Variants in UBR3 observed in about 807,000 individuals in gnomAD.
The protein encoded by UBR3 is E3 ubiquitin-protein ligase UBR3.
Under a neutral mutation model 243.2 loss-of-function variants are expected in UBR3, and 85 were observed. The ratio of observed to expected loss-of-function variants is 0.35; its 90% CI spans 0.29 to 0.42. The LOEUF is 0.42. Among genes scored for constraint, UBR3 ranks in the 10% least tolerant of loss-of-function variants. UBR3 has a pLI of 1.00. For synonymous variants in UBR3, 748 were observed against 799.8 expected (o/e 0.94, Z 1.09); for missense variants, 1,686 against 2,300.8 (o/e 0.73, Z 5.47).
chr2:169,900,801 A>C (rs1250891029), intron 8 of UBR3, among the ~76,000 whole-genome samples: 1 of 150,654 alleles, frequency 6.6e-6, no homozygotes, highest in Non-Finnish European at 1.5e-5. Flanking sequence ...ATCCTTACCT[A>C]CCTCATTTTA....
At position 170,081,771 on chromosome 2, in the gene UBR3, T is replaced by C. The variant is rs778644792; in HGVS notation, c.5595T>C (p.Leu1865=). The C allele has an allele frequency of 6.2e-7, 1 of 1,609,590 alleles. No individual in the cohort carries two copies. Among genetic ancestry groups the C allele is most frequent in the East Asian group, 2.2e-5 (1 of 44,486 alleles). The change falls in exon 39 of 39, where the codon CTT becomes CTC. Residue 1865 remains leucine, a synonymous_variant. Transcript: ENST00000272793. ...TTTGTAAGGAAAGATACAAAGTTCT[T>C]GAGCAACAGTGGATTTCTCATACTT... ...LYICKERYKV[L]EQQWISHTFD...
chr2:169,840,387 G>C (rs1028521747), intron 1 of UBR3, among the ~76,000 whole-genome samples: 2 of 152,206 alleles, frequency 1.3e-5, no homozygotes, highest in South Asian at 2.1e-4. Flanking sequence ...GTATCTGACC[G>C]AGATGTCGGT....
At position 169,921,764 on chromosome 2, in the gene UBR3, G is replaced by A. The variant is rs1425622946; in HGVS notation, c.1867-2165G>A. On this transcript the variant is annotated intron_variant, in intron 11 of 38. Coordinates refer to ENST00000272793, the MANE Select transcript of UBR3 (RefSeq NM_172070.4). ...CCCAGCACTTTGGGAGGCCGAGGCA[G>A]GTGGATCACTTGAGGTCAGGTGTTT... Among the ~76,000 whole-genome samples the A allele has an allele frequency of 2.0e-5, 3 of 152,162 alleles. No homozygotes were observed. The East Asian group carries it at 5.8e-4, about 29-fold the overall frequency.
chr2:169,914,172 AT>A, intron 11 of UBR3, 26 bp downstream of exon 11: 8 of 1,334,108 alleles, frequency 6.0e-6, no homozygotes, highest in Non-Finnish European at 3.0e-6. Context: ...ATGTATGTAA[AT>A]TTTTTGATGT....
chr2:170,013,464 A>C (rs1024200335), intron 29 of UBR3, among the ~76,000 whole-genome samples: 1 of 152,096 alleles, frequency 6.6e-6, no homozygotes, highest in Non-Finnish European at 1.5e-5. Flanking sequence ...GAAATGTAAA[A>C]TCCTAGATAT....
At chr2:169,947,852 T>C in intron 22 of UBR3, 137 bp downstream of exon 22, 1 of 1,238,190 alleles carries the variant, frequency 8.1e-7, no homozygotes, top group South Asian at 3.5e-5. Flanking sequence ...TTATTTCCTC[T>C]GATATATCTA....
intron 36 of UBR3, chr2:170,077,784 C>A (rs2091840880): frequency 4.0e-6 from 1 of 250,578 alleles, no homozygotes; most frequent in African/African-American, 2.3e-5. Context: ...CAGGGTTTCA[C>A]CATGTTGCCC....
chr2:170,009,019 T>C, intron 29 of UBR3, 79 bp downstream of exon 29: 1 of 1,024,580 alleles, frequency 9.8e-7, no homozygotes, highest in Non-Finnish European at 1.3e-6. Context: ...ATTTGTTTTA[T>C]TTATTTAAAG....
intron 1 of UBR3, among the ~76,000 whole-genome samples, chr2:169,871,397 G>A (rs1369220429): frequency 2.7e-5 from 4 of 149,052 alleles, no homozygotes; most frequent in African/African-American, 7.4e-5. Context: ...GTGACAAAGC[G>A]AGACCCTGTC....
chr2:170,040,644 G>T (rs2090944066), intron 31 of UBR3, among the ~76,000 whole-genome samples: 1 of 151,948 alleles, frequency 6.6e-6, no homozygotes, highest in African/African-American at 2.4e-5. Context: ...TATCCTAATT[G>T]TTCACTTTGA....
In UBR3 at chr2:170,083,170, C is replaced by G. The variant is rs923574305; in HGVS notation, c.*1327C>G. 6 of 62,018 alleles carry G rather than the reference C, an allele frequency of 9.7e-5. No individual in the cohort carries two copies. The highest frequency in any genetic ancestry group is 2.3e-4 in the Non-Finnish European group (5 of 21,608). The allele number at this position is 62,018 out of a possible 1,614,324, so 3.8% of individuals were successfully genotyped here. A position where few individuals can be genotyped will look rare whatever the true frequency, so the allele number is the denominator to read the frequency against. On this transcript the variant is annotated 3_prime_UTR_variant, in exon 39 of 39. Coordinates refer to ENST00000272793, the MANE Select transcript of UBR3 (RefSeq NM_172070.4). ...ACATGTAAAAATAAACTAAACAAAT[C>G]TAATGATAAAATATGTCAGATCCAT...
chr2:170,009,776 C>T (rs1423164988), intron 29 of UBR3, among the ~76,000 whole-genome samples: 1 of 152,030 alleles, frequency 6.6e-6, no homozygotes, highest in Non-Finnish European at 1.5e-5. Flanking sequence ...AAGTCTGTGG[C>T]AGAGTAGGAT....
At chr2:169,929,074 A>G (rs2086017188) in intron 18 of UBR3, among the ~76,000 whole-genome samples, 2 of 152,202 alleles carry the variant, frequency 1.3e-5, no homozygotes, top group African/African-American at 4.8e-5. Context: ...TTACACTAAG[A>G]CTTCTTAGAT....
intron 35 of UBR3, among the ~76,000 whole-genome samples, chr2:170,072,741 T>C (rs528162711): frequency 6.6e-6 from 1 of 152,152 alleles, no homozygotes; most frequent in South Asian, 2.1e-4. Context: ...TAATAGGAAT[T>C]GATTCTGTGG....
intron 1 of UBR3, among the ~76,000 whole-genome samples, chr2:169,831,127 A>ATATATATATTTTTT (rs1450878762): frequency 1.8e-5 from 1 of 56,464 alleles, no homozygotes; most frequent in African/African-American, 9.0e-5. Context: ...ATATATATAT[A>ATATATATATTTTTT]TTTTTTTTTT....
intron 5 of UBR3, among the ~76,000 whole-genome samples, chr2:169,884,938 A>G (rs1446694131): frequency 1.3e-5 from 2 of 152,226 alleles, no homozygotes; most frequent in African/African-American, 4.8e-5. Context: ...ATAGATGGAA[A>G]GAGGTTGATA....
chr2:170,062,048 A>T lies in UBR3; in HGVS notation c.5019+605A>T, dbSNP rs149323642. Reference sequence around the variant, plus strand: ...TCTTATTGACATTTGTGTCCCTAACATCGTCTGCTTTTAATATTCTTTTAA... The same window carrying T: ...TCTTATTGACATTTGTGTCCCTAACTTCGTCTGCTTTTAATATTCTTTTAA... On this transcript the variant is annotated intron_variant, in intron 35 of 38. Transcript: ENST00000272793. Among the ~76,000 whole-genome samples the T allele has an allele frequency of 3.0e-3, 452 of 152,292 alleles. 3 individuals are homozygous for T. Among genetic ancestry groups the T allele is most frequent in the African/African-American group, 0.01 (427 of 41,558 alleles).
At chr2:169,908,183 A>C (rs1384985531) in intron 10 of UBR3, among the ~76,000 whole-genome samples, 1 of 152,016 alleles carries the variant, frequency 6.6e-6, no homozygotes, top group East Asian at 1.9e-4. Flanking sequence ...GTTGGCTCAG[A>C]GTTTTTCTTG....
intron 25 of UBR3, among the ~76,000 whole-genome samples, chr2:169,990,977 C>G (rs1482753124): frequency 6.6e-6 from 1 of 152,012 alleles, no homozygotes; most frequent in Non-Finnish European, 1.5e-5. Flanking sequence ...AAGAGATTCA[C>G]TTTAGATCCA....
Sources: allele counts gnomAD v4.1 joint callset (sites outside exome capture counted in the v4.1 genomes callset), GRCh38; gene constraint gnomAD v4.1.1; transcripts MANE v1.5; gene names NCBI Gene and HGNC (gene_info 2026-07-23, HGNC 2026-07-21).